EYS: variants seen among roughly 807,000 people sequenced by gnomAD.
The protein encoded by EYS is protein eyes shut homolog.
EYS carries 250 observed loss-of-function variants against 282.1 expected under a neutral mutation model. The observed-to-expected ratio is 0.89, with a 90% CI of 0.80 to 0.98. EYS has a LOEUF of 0.98. Among genes scored for constraint, EYS ranks in the 50% least tolerant of loss-of-function variants. The probability of loss-of-function intolerance (pLI) is 0.00; values close to 1 mark genes in which losing one functional copy is unlikely to be tolerated. For missense variants in EYS, 4,016 were observed against 3,709.0 expected (o/e 1.08, Z -2.15); for synonymous variants, 1,355 against 1,282.9 (o/e 1.06, Z -1.20).
chr6:65,040,187 G>T (rs985477304), intron 13 of EYS, among the ~76,000 whole-genome samples: 5 of 151,754 alleles, frequency 3.3e-5, no homozygotes, highest in African/African-American at 1.2e-4. Context: ...CCAAAAAATG[G>T]GTTGTGAAAA....
chr6:64,527,988 ATATAAG>A (rs1231517230), intron 26 of EYS, among the ~76,000 whole-genome samples: 5 of 151,974 alleles, frequency 3.3e-5, no homozygotes, highest in African/African-American at 1.2e-4. Flanking sequence ...AGACTTCTAT[ATATAAG>A]TATATCACAT....
chr6:65,476,703 A>T (rs1765418289), intron 5 of EYS, among the ~76,000 whole-genome samples: 1 of 151,948 alleles, frequency 6.6e-6, no homozygotes, highest in African/African-American at 2.4e-5. Context: ...CAGCCTCCCG[A>T]GTAGCTGGGA....
At chr6:64,699,382 G>A (rs1358235938) in intron 22 of EYS, among the ~76,000 whole-genome samples, 5 of 151,972 alleles carry the variant, frequency 3.3e-5, no homozygotes, top group Non-Finnish European at 7.4e-5. Flanking sequence ...GTACTGGGCT[G>A]AATACCTGGG....
chr6:65,573,604 C>T (rs1027155279), intron 2 of EYS, among the ~76,000 whole-genome samples: 5 of 152,138 alleles, frequency 3.3e-5, no homozygotes, highest in African/African-American at 1.2e-4. Flanking sequence ...AGCCCAGCCT[C>T]CCTGTAAGTG....
At chr6:65,571,661 G>A (rs1764480539) in intron 2 of EYS, among the ~76,000 whole-genome samples, 1 of 151,900 alleles carries the variant, frequency 6.6e-6, no homozygotes, top group African/African-American at 2.4e-5. Context: ...CATGTACTAT[G>A]ATCAGTTGCA....
intron 11 of EYS, among the ~76,000 whole-genome samples, chr6:65,324,289 G>A (rs1769558602): frequency 6.6e-6 from 1 of 152,074 alleles, no homozygotes; most frequent in Non-Finnish European, 1.5e-5. Context: ...TATGAGAGTG[G>A]GGACTTTGTT....
intron 7 of EYS, among the ~76,000 whole-genome samples, chr6:65,394,922 A>G (rs1233205475): frequency 1.3e-5 from 2 of 152,176 alleles, no homozygotes; most frequent in South Asian, 2.1e-4. Context: ...TTATTTCAAG[A>G]TGATGCCATC....
At chr6:65,182,692 A>G (rs559592888) in intron 12 of EYS, among the ~76,000 whole-genome samples, 1 of 152,050 alleles carries the variant, frequency 6.6e-6, no homozygotes, top group African/African-American at 2.4e-5. Context: ...AATTTTTTAT[A>G]GTGAATTACA....
chr6:64,915,965 T>C (rs1181415381), intron 15 of EYS, among the ~76,000 whole-genome samples: 1 of 152,136 alleles, frequency 6.6e-6, no homozygotes, highest in East Asian at 1.9e-4. Flanking sequence ...ATCATTTCTT[T>C]AAACATTTTG....
At chr6:65,165,985 A>G (rs1326621578) in intron 12 of EYS, among the ~76,000 whole-genome samples, 1 of 151,140 alleles carries the variant, frequency 6.6e-6, no homozygotes, top group Non-Finnish European at 1.5e-5. Context: ...AACATCTTCA[A>G]AAATAATAAA....
chr6:64,396,127 CATT>C (rs757367288), intron 28 of EYS, among the ~76,000 whole-genome samples: 17 of 152,120 alleles, frequency 1.1e-4, no homozygotes, highest in Non-Finnish European at 2.2e-4. Flanking sequence ...CCTCATTCAA[CATT>C]ATGTTTTTGA....
chr6:64,316,254 A>G (rs1769957444), intron 29 of EYS, among the ~76,000 whole-genome samples: 1 of 152,298 alleles, frequency 6.6e-6, no homozygotes, highest in East Asian at 1.9e-4. Flanking sequence ...AGGGTATTCA[A>G]TTAGGAAAAG....
At chr6:65,332,565 T>C (rs1008793300) in intron 11 of EYS, 6 of 566,746 alleles carry the variant, frequency 1.1e-5, no homozygotes, top group Middle Eastern at 4.8e-4. Flanking sequence ...TATAGTGCTA[T>C]ATAGAGGGAT....
chr6:64,069,568 T>C (rs1295759215), intron 32 of EYS, among the ~76,000 whole-genome samples: 1 of 152,046 alleles, frequency 6.6e-6, no homozygotes, highest in Non-Finnish European at 1.5e-5. Flanking sequence ...CTCTCCAAAA[T>C]TACAACCTTC....
At chr6:64,766,649 A>AAAAATATATATATAT (rs1387919586) in intron 22 of EYS, among the ~76,000 whole-genome samples, 1 of 19,068 alleles carries the variant, frequency 5.2e-5, no homozygotes, top group African/African-American at 1.8e-4. Context: ...AAAAAAAAAA[A>AAAAATATATATATAT]ATATATATAT....
chr6:63,766,724 G>C (rs115121802), intron 40 of EYS, among the ~76,000 whole-genome samples: 1,828 of 152,120 alleles, frequency 0.012, 29 homozygotes, highest in African/African-American at 0.042. Context: ...ATCTAAGGAA[G>C]AGAGAGGTTA....
At chr6:64,329,197 G>C (rs1473583854) in intron 29 of EYS, among the ~76,000 whole-genome samples, 1 of 152,090 alleles carries the variant, frequency 6.6e-6, no homozygotes, top group Non-Finnish European at 1.5e-5. Flanking sequence ...CAAGCAATTT[G>C]GCTATTGTCT....
chr6:63,830,610 G>A (rs9344460), intron 36 of EYS, among the ~76,000 whole-genome samples: 150,712 of 151,714 alleles, frequency 0.99, 74,864 homozygotes, highest in Middle Eastern at 1. Flanking sequence ...TGAAAGTGAT[G>A]GGGAGAATGG....
intron 35 of EYS, among the ~76,000 whole-genome samples, chr6:63,975,886 A>G (rs1766811885): frequency 6.6e-6 from 1 of 151,984 alleles, no homozygotes; most frequent in South Asian, 2.1e-4. Context: ...CAATTTCATC[A>G]TTGTGCAAGC....
Sources: allele counts gnomAD v4.1 joint callset (sites outside exome capture counted in the v4.1 genomes callset), GRCh38; gene constraint gnomAD v4.1.1; transcripts MANE v1.5; gene names NCBI Gene and HGNC (gene_info 2026-07-23, HGNC 2026-07-21).